Variants in JAK2 observed in about 807,000 individuals in gnomAD.
JAK2 encodes the protein Janus kinase 2.
JAK2 carries 86 observed loss-of-function variants against 139.3 expected under a neutral mutation model. That is an observed-to-expected ratio of 0.62 (90% CI 0.52 to 0.74). JAK2 has a LOEUF of 0.74. JAK2 is among the 30% of genes least tolerant of loss of function. The pLI, the probability that JAK2 is intolerant of heterozygous loss-of-function variation, is 0.00. For synonymous variants in JAK2, 490 were observed against 437.7 expected (o/e 1.12, Z -1.49); for missense variants, 1,421 against 1,360.3 (o/e 1.04, Z -0.70).
intron 22 of JAK2, among the ~76,000 whole-genome samples, chr9:5,116,668 C>T (rs1036077527): frequency 2.0e-5 from 3 of 152,070 alleles, no homozygotes. Flanking sequence ...CTACTGTGCT[C>T]CAAATACTAT....
At chr9:5,066,162 G>A (rs901729242) in intron 9 of JAK2, among the ~76,000 whole-genome samples, 1 of 152,092 alleles carries the variant, frequency 6.6e-6, no homozygotes, top group Non-Finnish European at 1.5e-5. Flanking sequence ...TTCTTTCAGG[G>A]TGTGCAGCTT....
chr9:4,991,460 G>T (rs1355048235), intron 2 of JAK2, among the ~76,000 whole-genome samples: 3 of 152,152 alleles, frequency 2.0e-5, no homozygotes, highest in South Asian at 2.1e-4. Context: ...TGTGATGTGA[G>T]TAAGTGCACT....
Position 5,007,975 on chromosome 9 carries a change from C to A in JAK2, c.-25-13988C>A, listed in dbSNP as rs759631354. On this transcript the variant is annotated intron_variant, in intron 2 of 24. Coordinates refer to ENST00000381652, the MANE Select transcript of JAK2 (RefSeq NM_004972.4). The stretch of plus-strand genomic sequence containing the variant: ...AATTCCTGACCTCAAATGATCCCCC[C>A]GCCTCGGCCTCCCAAAGTGCTGGGA... Among the ~76,000 whole-genome samples the A allele has an allele frequency of 8.6e-5, 13 of 152,012 alleles. No homozygotes were observed. The South Asian group carries it at 1.2e-3, about 15-fold the overall frequency.
At chr9:5,097,596 T>G (rs1821103901) in intron 22 of JAK2, 1 of 152,122 alleles carries the variant, frequency 6.6e-6, no homozygotes, top group Non-Finnish European at 1.5e-5. Context: ...CCATAATTAC[T>G]GCTATGCCTA....
chr9:5,065,525 A>C (rs75070228), intron 9 of JAK2, among the ~76,000 whole-genome samples: 5,440 of 152,314 alleles, frequency 0.036, 256 homozygotes, highest in African/African-American at 0.11. Flanking sequence ...TGTGTAACAC[A>C]GCAGCCACTA....
At chr9:5,073,601 A>G in intron 13 of JAK2, 97 bp from the exon 14 acceptor site, 1 of 878,734 alleles carries the variant, frequency 1.1e-6, no homozygotes. Context: ...TGCTGAAAGT[A>G]GGAGAAAGTG....
chr9:5,093,061 A>G (rs957891710), intron 22 of JAK2, among the ~76,000 whole-genome samples: 1 of 152,184 alleles, frequency 6.6e-6, no homozygotes, highest in African/African-American at 2.4e-5. Context: ...ACACTGGTCT[A>G]ATCTATTATT....
chr9:5,081,134 A>G (rs1402820353), intron 18 of JAK2, among the ~76,000 whole-genome samples: 1 of 151,680 alleles, frequency 6.6e-6, no homozygotes, highest in African/African-American at 2.4e-5. Flanking sequence ...TGATCTTGTG[A>G]TCCGCCCGCC....
chr9:5,069,340 A>T lies in JAK2; in HGVS notation c.1513+132A>T, dbSNP rs754577799. ...CTAAAAGTTAATTTTATCTTATTCTATTGTACAAGCATCATCAAATAAGAT... is the reference window on the plus strand; with the variant it reads ...CTAAAAGTTAATTTTATCTTATTCTTTTGTACAAGCATCATCAAATAAGAT... On this transcript the variant is annotated intron_variant, in intron 11 of 24. Transcript: ENST00000381652. The T allele has an allele frequency of 1.3e-5, 8 of 607,766 alleles. No homozygotes were observed. In the South Asian group the frequency reaches 1.9e-4, roughly 15 times the overall value. The allele number at this position is 607,766 out of a possible 1,614,324, so 37.6% of individuals were successfully genotyped here. A position where few individuals can be genotyped will look rare whatever the true frequency, so the allele number is the denominator to read the frequency against.
chr9:4,987,143 G>A (rs1307684569), intron 2 of JAK2, among the ~76,000 whole-genome samples: 1 of 152,196 alleles, frequency 6.6e-6, no homozygotes, highest in Non-Finnish European at 1.5e-5. Context: ...GTATTTACCT[G>A]AATAGGAAAG....
intron 8 of JAK2, 51 bp from the exon 9 acceptor site, chr9:5,064,832 A>T (rs778704366): frequency 7.4e-7 from 1 of 1,356,776 alleles, no homozygotes; most frequent in Non-Finnish European, 9.9e-7. Context: ...AATATTTAAC[A>T]TGGAGTTGAC....
At chr9:5,030,917 G>C (rs1221873530) in intron 4 of JAK2, among the ~76,000 whole-genome samples, 3 of 151,972 alleles carry the variant, frequency 2.0e-5, no homozygotes, top group Non-Finnish European at 4.4e-5. Flanking sequence ...AGAAATAATA[G>C]ATGTACAAAA....
At chr9:5,058,280 T>C (rs1469053947) in intron 8 of JAK2, among the ~76,000 whole-genome samples, 2 of 152,206 alleles carry the variant, frequency 1.3e-5, no homozygotes, top group East Asian at 1.9e-4. Flanking sequence ...GAGGGTTTAA[T>C]TGACTCGCAG....
intron 4 of JAK2, among the ~76,000 whole-genome samples, chr9:5,031,550 A>G (rs887756676): frequency 1.3e-5 from 2 of 152,228 alleles, no homozygotes; most frequent in African/African-American, 4.8e-5. Flanking sequence ...TTTATAATGT[A>G]TATCAGATAA....
intron 14 of JAK2, among the ~76,000 whole-genome samples, chr9:5,075,090 T>C (rs1442936417): frequency 6.6e-6 from 1 of 151,978 alleles, no homozygotes; most frequent in Admixed American, 6.6e-5. Context: ...TGCTCTTAAA[T>C]TCTATGAAGG....
At chr9:5,020,786 G>A (rs1333273463) in intron 2 of JAK2, among the ~76,000 whole-genome samples, 7 of 152,114 alleles carry the variant, frequency 4.6e-5, no homozygotes, top group Non-Finnish European at 7.3e-5. Context: ...TCCCAGAGGC[G>A]GCAGCCAGCA....
intron 23 of JAK2, among the ~76,000 whole-genome samples, chr9:5,124,798 T>C: frequency 6.6e-6 from 1 of 151,376 alleles, no homozygotes; most frequent in East Asian, 1.9e-4. Context: ...AACAAGAACA[T>C]ACATTCAAGT....
At chr9:5,111,880 AGCAGCTCTGGGGACGCC>A (rs2130801438) in intron 22 of JAK2, 1 of 374,496 alleles carries the variant, frequency 2.7e-6, no homozygotes, top group East Asian at 7.2e-5. Flanking sequence ...GACCACAGCC[AGCAGCTCTGGGGACGCC>A]CTCGGGAAGG....
At chr9:5,091,762 C>T (rs1016822992) in intron 22 of JAK2, among the ~76,000 whole-genome samples, 10 of 151,962 alleles carry the variant, frequency 6.6e-5, no homozygotes, top group African/African-American at 1.7e-4. Context: ...AGGCTTAAGT[C>T]GGGGGGCTGA....
Sources: allele counts gnomAD v4.1 joint callset (sites outside exome capture counted in the v4.1 genomes callset), GRCh38; gene constraint gnomAD v4.1.1; transcripts MANE v1.5; gene names NCBI Gene and HGNC (gene_info 2026-07-23, HGNC 2026-07-21).